Variants in ZC2HC1B observed in about 807,000 individuals in gnomAD.
ZC2HC1B encodes zinc finger C2HC-type containing 1B, also known as zinc finger C2HC domain-containing protein 1B.
A neutral mutation model predicts 31.0 loss-of-function variants in ZC2HC1B; 36 were observed. The ratio of observed to expected loss-of-function variants is 1.16; its 90% CI spans 0.89 to 1.54. The LOEUF is 1.54. ZC2HC1B is among the 40% of genes most tolerant of loss of function. The pLI, the probability that ZC2HC1B is intolerant of heterozygous loss-of-function variation, is 0.00. For missense variants in ZC2HC1B, 260 were observed against 268.6 expected (o/e 0.97, Z 0.22); for synonymous variants, 73 against 88.0 (o/e 0.83, Z 0.95).
In ZC2HC1B at chr6:143,889,834, C is replaced by A. The variant is rs568585352; in HGVS notation, c.349+3013C>A. 1.3e-4 allele frequency among the ~76,000 whole-genome samples: 20 copies of A among 152,198 alleles called. No homozygotes were observed. In the East Asian group the frequency reaches 3.9e-3, roughly 29 times the overall value. Reference sequence around the variant, plus strand: ...TGACCTAATTGACATTTATACTTATCCTATGACACATAGCCACAGCAGAAG... The same window carrying A: ...TGACCTAATTGACATTTATACTTATACTATGACACATAGCCACAGCAGAAG... On this transcript the variant is annotated intron_variant, in intron 4 of 7. Transcript: ENST00000237275.
intron 4 of ZC2HC1B, among the ~76,000 whole-genome samples, chr6:143,889,025 A>C (rs909184588): frequency 6.6e-6 from 1 of 152,088 alleles, no homozygotes; most frequent in Non-Finnish European, 1.5e-5. Flanking sequence ...AAGCATAAAT[A>C]ATAGCATATA....
rs1400726969 is a variant in ZC2HC1B, at chr6:143,887,474, A to C, written c.349+653A>C. ...CCTTTTCCTGCATAATCACAATACT[A>C]TTATCACACTTGATATATATTAATA... On this transcript the variant is annotated intron_variant, in intron 4 of 7. Transcript: ENST00000237275. This position sits in a 1 kb window ranked among gnomAD's most constrained non-coding sequence, Gnocchi z 5.1. Among the ~76,000 whole-genome samples, 3 of 152,134 alleles carry C rather than the reference A, an allele frequency of 2.0e-5. No individual in the cohort carries two copies. Among genetic ancestry groups the C allele is most frequent in the Admixed American group, 2.0e-4 (3 of 15,276 alleles).
chr6:143,872,821 C>G lies in ZC2HC1B; in HGVS notation c.28+8254C>G, dbSNP rs1356083626. 6.6e-6 allele frequency among the ~76,000 whole-genome samples: 1 copy of G among 152,188 alleles called. No homozygotes were observed. The highest frequency in any genetic ancestry group is 1.9e-4 in the East Asian group (1 of 5,192). Reference sequence around the variant, plus strand: ...CCGGCCCCCATTTAGTTATCTTCCTCTGGGTCCCTCCCACAACACACAAGA... The same window carrying G: ...CCGGCCCCCATTTAGTTATCTTCCTGTGGGTCCCTCCCACAACACACAAGA... On this transcript the variant is annotated intron_variant, in intron 1 of 7. Coordinates refer to ENST00000237275, the MANE Select transcript of ZC2HC1B (RefSeq NM_001013623.3). This position sits in a 1 kb window ranked among gnomAD's most constrained non-coding sequence, Gnocchi z 5.5.
At chr6:143,888,976 T>G (rs1777565291) in intron 4 of ZC2HC1B, among the ~76,000 whole-genome samples, 1 of 152,014 alleles carries the variant, frequency 6.6e-6, no homozygotes. Flanking sequence ...TGTTTTCCAT[T>G]GAGGATAATA....
At chr6:143,930,822 A>C (rs1778110862) in intron 6 of ZC2HC1B, among the ~76,000 whole-genome samples, 1 of 152,174 alleles carries the variant, frequency 6.6e-6, no homozygotes, top group African/African-American at 2.4e-5. Context: ...TGTTCCATGC[A>C]CTGATGAGAA....
intron 6 of ZC2HC1B, among the ~76,000 whole-genome samples, chr6:143,907,090 G>A (rs767898934): frequency 5.3e-5 from 8 of 152,074 alleles, no homozygotes; most frequent in Non-Finnish European, 1.0e-4. Context: ...CTCCATCCAC[G>A]TCCCTGCAAA....
In ZC2HC1B at chr6:143,884,719, G is replaced by C. The variant is rs1777509417; in HGVS notation, c.90+354G>C. The stretch of plus-strand genomic sequence containing the variant: ...GAAATTAGCTAGTCAAGAGGAATGA[G>C]CATTGAATTTTAGACATCTGGAAAC... On this transcript the variant is annotated intron_variant, in intron 2 of 7. Transcript: ENST00000237275. The surrounding 1 kb of genome is among the most constrained non-coding windows in gnomAD (Gnocchi z 5.1). Among the ~76,000 whole-genome samples the C allele has an allele frequency of 1.3e-5, 2 of 152,188 alleles. No individual in the cohort carries two copies. Among genetic ancestry groups the C allele is most frequent in the Non-Finnish European group, 2.9e-5 (2 of 68,032 alleles).
At chr6:143,867,301 A>G (rs1390278051) in intron 1 of ZC2HC1B, among the ~76,000 whole-genome samples, 1 of 152,220 alleles carries the variant, frequency 6.6e-6, no homozygotes, top group African/African-American at 2.4e-5. Flanking sequence ...ATTTTGAACA[A>G]CTGAAATAAA....
Position 143,924,193 on chromosome 6 carries a change from A to AT in ZC2HC1B, c.599-13450dup, listed in dbSNP as rs1778010950. Among the ~76,000 whole-genome samples, 1 of 151,632 alleles carries AT rather than the reference A, an allele frequency of 6.6e-6. No individual in the cohort carries two copies. Among genetic ancestry groups the AT allele is most frequent in the African/African-American group, 2.4e-5 (1 of 41,318 alleles). On this transcript the variant is annotated intron_variant, in intron 6 of 7. Coordinates refer to ENST00000237275, the MANE Select transcript of ZC2HC1B (RefSeq NM_001013623.3). This position sits in a 1 kb window ranked among gnomAD's most constrained non-coding sequence, Gnocchi z 5.2. ...GGTTTAATTTATTCCTAAGTATTTT[A>AT]TTTTTTGTAGCTATTGTAAATGAGA...
intron 6 of ZC2HC1B, among the ~76,000 whole-genome samples, chr6:143,925,664 G>A (rs1778028832): frequency 6.6e-6 from 1 of 151,602 alleles, no homozygotes; most frequent in South Asian, 2.1e-4. Context: ...AGTCTCCCGA[G>A]TAGCTGGGAT....
rs561939880 is a variant in ZC2HC1B at position 143,897,475 on chromosome 6, T to G, written c.350-1077T>G. Among the ~76,000 whole-genome samples, 314 of 151,648 alleles carry G rather than the reference T, an allele frequency of 2.1e-3. 2 individuals are homozygous for G. Among genetic ancestry groups the G allele is most frequent in the African/African-American group, 7.1e-3 (295 of 41,296 alleles). ...TTCTCTCCGTAACCAATTATGTCTG[T>G]TAATTGCAAATGAAAGAAGAAAAAA... On this transcript the variant is annotated intron_variant, in intron 4 of 7. Transcript: ENST00000237275.
Position 143,918,413 on chromosome 6 carries a change from C to T in ZC2HC1B, c.598+15261C>T, listed in dbSNP as rs1325513848. On this transcript the variant is annotated intron_variant, in intron 6 of 7. Transcript: ENST00000237275. This position sits in a 1 kb window ranked among gnomAD's most constrained non-coding sequence, Gnocchi z 4.1. ...CACTGTGTTTCATCCTCCATGGTTT[C>T]TGATGAGAAGTCTGCTGATCTTATT... Among the ~76,000 whole-genome samples the T allele has an allele frequency of 6.6e-6, 1 of 152,178 alleles. No individual in the cohort carries two copies. Among genetic ancestry groups the T allele is most frequent in the Non-Finnish European group, 1.5e-5 (1 of 68,034 alleles).
rs140062723 is a variant in ZC2HC1B at position 143,921,765 on chromosome 6, A to T, written c.599-15884A>T. ...GGCAACATAGCAAGACCCTGTCTCT[A>T]CAAGAAAAATTTAAAAATTTGCTAC... On this transcript the variant is annotated intron_variant, in intron 6 of 7. Transcript: ENST00000237275. The surrounding 1 kb of genome is among the most constrained non-coding windows in gnomAD (Gnocchi z 6.1). Among the ~76,000 whole-genome samples the T allele has an allele frequency of 6.6e-6, 1 of 152,246 alleles. No individual in the cohort carries two copies. Among genetic ancestry groups the T allele is most frequent in the Non-Finnish European group, 1.5e-5 (1 of 68,014 alleles).
chr6:143,882,905 C>T lies in ZC2HC1B; in HGVS notation c.29-1399C>T, dbSNP rs144717793. 4.1e-4 allele frequency among the ~76,000 whole-genome samples: 63 copies of T among 152,264 alleles called. 1 individual carries two copies. Among genetic ancestry groups the T allele is most frequent in the African/African-American group, 1.4e-3 (59 of 41,554 alleles). ...TCTTCTCAGTCCTTCTGCCTCTAAA[C>T]GTAGAATAGTCCTCAAGCATTCTTT... On this transcript the variant is annotated intron_variant, in intron 1 of 7. Transcript: ENST00000237275.
intron 6 of ZC2HC1B, among the ~76,000 whole-genome samples, chr6:143,925,747 C>A (rs1468329337): frequency 6.6e-6 from 1 of 151,904 alleles, no homozygotes; most frequent in African/African-American, 2.4e-5. Context: ...CCATGTTGGT[C>A]AGGCTGGTCT....
chr6:143,879,347 A>C (rs913325743), intron 1 of ZC2HC1B, among the ~76,000 whole-genome samples: 1 of 152,258 alleles, frequency 6.6e-6, no homozygotes, highest in South Asian at 2.1e-4. Context: ...TCACTTTACT[A>C]TAGCTTTATT....
chr6:143,865,540 A>C lies in ZC2HC1B; in HGVS notation c.28+973A>C, dbSNP rs1777248018. On this transcript the variant is annotated intron_variant, in intron 1 of 7. Coordinates refer to ENST00000237275, the MANE Select transcript of ZC2HC1B (RefSeq NM_001013623.3). This position sits in a 1 kb window ranked among gnomAD's most constrained non-coding sequence, Gnocchi z 4.4. Reference sequence around the variant, plus strand: ...TTCCCTGGTTTATGTTCTCCACAACATCTGTTGACGCAGAGGACTGTTTTT... The same window carrying C: ...TTCCCTGGTTTATGTTCTCCACAACCTCTGTTGACGCAGAGGACTGTTTTT... 6.6e-6 allele frequency among the ~76,000 whole-genome samples: 1 copy of C among 152,130 alleles called. No homozygotes were observed. Among genetic ancestry groups the C allele is most frequent in the East Asian group, 1.9e-4 (1 of 5,198 alleles).
rs1399806099 is a variant in ZC2HC1B at position 143,886,411 on chromosome 6, G to A, written c.210+260G>A. Among the ~76,000 whole-genome samples the A allele has an allele frequency of 6.6e-6, 1 of 152,118 alleles. No individual in the cohort carries two copies. Among genetic ancestry groups the A allele is most frequent in the Non-Finnish European group, 1.5e-5 (1 of 68,006 alleles). On this transcript the variant is annotated intron_variant, in intron 3 of 7. Coordinates refer to ENST00000237275, the MANE Select transcript of ZC2HC1B (RefSeq NM_001013623.3). The surrounding 1 kb of genome is among the most constrained non-coding windows in gnomAD (Gnocchi z 4.2). ...ATCTAGCAATTAACCTGAGAAGAAA[G>A]TCACTTTTAATCTACATTTGCTTTT...
rs183207540 is a variant in ZC2HC1B at position 143,887,630 on chromosome 6, A to C, written c.349+809A>C. 4.9e-3 allele frequency among the ~76,000 whole-genome samples: 752 copies of C among 152,256 alleles called. 2 individuals carry two copies. The highest frequency in any genetic ancestry group is 8.2e-3 in the Non-Finnish European group (557 of 68,008). ...CTTCGGTCTTTATTAAATCTTGAACAATATCCCTACCAGGCTATTCACCTT... is the reference window on the plus strand; with the variant it reads ...CTTCGGTCTTTATTAAATCTTGAACCATATCCCTACCAGGCTATTCACCTT... On this transcript the variant is annotated intron_variant, in intron 4 of 7. Coordinates refer to ENST00000237275, the MANE Select transcript of ZC2HC1B (RefSeq NM_001013623.3). This position sits in a 1 kb window ranked among gnomAD's most constrained non-coding sequence, Gnocchi z 5.1.
Sources: gnomAD v4.1 joint callset for allele counts (sites outside exome capture counted in the v4.1 genomes callset) on GRCh38, gnomAD v4.1.1 for gene constraint, Gnocchi (gnomAD v3.1) non-coding constraint, MANE v1.5 for transcripts, NCBI Gene and HGNC (gene_info 2026-07-23, HGNC 2026-07-21) for gene names.